The following LRRC7 variants were observed in gnomAD, a reference collection of about 807,000 sequenced individuals.
LRRC7 encodes the protein leucine-rich repeat-containing protein 7.
Under a neutral mutation model 175.7 loss-of-function variants are expected in LRRC7, and 23 were observed. The ratio of observed to expected loss-of-function variants is 0.13; its 90% CI spans 0.09 to 0.19. LRRC7 has a LOEUF of 0.19. Among genes scored for constraint, LRRC7 ranks in the 10% least tolerant of loss-of-function variants. The pLI, the probability that LRRC7 is intolerant of heterozygous loss-of-function variation, is 1.00. For synonymous variants in LRRC7, 685 were observed against 680.9 expected, an observed-to-expected ratio of 1.01 and a Z score of -0.09; for missense variants, 1,354 against 1,904.7, an observed-to-expected ratio of 0.71 and a Z score of 5.38.
chr1:69,952,575 T>C (rs1463639450), intron 8 of LRRC7, among the ~76,000 whole-genome samples: 1 of 152,100 alleles, frequency 6.6e-6, no homozygotes, highest in South Asian at 2.1e-4. Flanking sequence ...TTTTTTCCAT[T>C]CCAAGTACAC....
At chr1:69,664,458 C>T (rs184436479) in intron 1 of LRRC7, among the ~76,000 whole-genome samples, 7 of 152,278 alleles carry the variant, frequency 4.6e-5, no homozygotes, top group Admixed American at 1.3e-4. Flanking sequence ...CTCCACATCT[C>T]GCCAGCATTT....
chr1:69,952,557 AATT>A (rs1217495586), intron 8 of LRRC7, among the ~76,000 whole-genome samples: 1 of 152,104 alleles, frequency 6.6e-6, no homozygotes, highest in African/African-American at 2.4e-5. Context: ...TTTGCAGGGT[AATT>A]ATTATTTTTT....
chr1:69,621,148 G>T (rs914183142), intron 1 of LRRC7, among the ~76,000 whole-genome samples: 1 of 151,630 alleles, frequency 6.6e-6, no homozygotes, highest in Non-Finnish European at 1.5e-5. Context: ...GGGTTCAAGC[G>T]ATTCTCTGGT....
intron 2 of LRRC7, among the ~76,000 whole-genome samples, chr1:69,697,806 T>G (rs1291994022): frequency 6.6e-6 from 1 of 152,196 alleles, no homozygotes. Flanking sequence ...TCATTAGTGA[T>G]AAAACTGATA....
At chr1:70,089,931 A>G in intron 25 of LRRC7, 112 bp downstream of exon 25, 1 of 721,872 alleles carries the variant, frequency 1.4e-6, no homozygotes, top group Admixed American at 3.1e-5. Context: ...TGAGCTAGTT[A>G]GTAACTCTGA....
intron 8 of LRRC7, among the ~76,000 whole-genome samples, chr1:69,949,179 C>T (rs1649660634): frequency 6.6e-6 from 1 of 152,000 alleles, no homozygotes; most frequent in South Asian, 2.1e-4. Context: ...TCACCAATCT[C>T]CCAGTCCCAC....
At chr1:70,101,666 A>AGG (rs1416175402) in intron 25 of LRRC7, among the ~76,000 whole-genome samples, 1 of 152,176 alleles carries the variant, frequency 6.6e-6, no homozygotes, top group Non-Finnish European at 1.5e-5. Context: ...CCTTTTTCCA[A>AGG]AATTACTGTG....
intron 2 of LRRC7, chr1:69,716,195 T>A: frequency 2.1e-6 from 1 of 483,924 alleles, no homozygotes; most frequent in Non-Finnish European, 3.8e-6. Context: ...CCTAGAAGTC[T>A]GCAGAGACAG....
chr1:70,023,477 A>T, intron 17 of LRRC7, 103 bp downstream of exon 17: 1 of 1,223,250 alleles, frequency 8.2e-7, no homozygotes, highest in Non-Finnish European at 1.1e-6. Flanking sequence ...AGAAATGTTG[A>T]TCACATAGAA....
chr1:69,716,388 T>C (rs1665349198), intron 2 of LRRC7, among the ~76,000 whole-genome samples: 1 of 151,864 alleles, frequency 6.6e-6, no homozygotes, highest in Admixed American at 6.6e-5. Flanking sequence ...ATGGTAACTA[T>C]GAATCTCAGG....
At chr1:69,661,937 C>G (rs1657532789) in intron 1 of LRRC7, among the ~76,000 whole-genome samples, 1 of 152,120 alleles carries the variant, frequency 6.6e-6, no homozygotes, top group South Asian at 2.1e-4. Context: ...CATCTAACAG[C>G]TACCATATAT....
chr1:70,044,090 A>C lies in LRRC7; in HGVS notation c.4106A>C (p.Gln1369Pro). The C allele has an allele frequency of 6.2e-7, 1 of 1,612,700 alleles. No homozygotes were observed. Among genetic ancestry groups the C allele is most frequent in the East Asian group, 2.2e-5 (1 of 44,798 alleles). Residue 1369 changes from glutamine (Q) to proline (P), a missense_variant, in exon 22 of 27, where the codon CAG (glutamine) becomes CCG (proline). Physicochemically the swap from Gln to Pro is moderately conservative, Grantham distance 76. Coordinates refer to ENST00000651989, the MANE Select transcript of LRRC7 (RefSeq NM_001370785.2). ...SKFDHQELPL[Q>P]KTPSQQSNIL... Reference sequence around the variant, plus strand: ...TTTGATCATCAAGAACTACCTCTTCAGAAAGTAAGTATGGACTGCCCTACA... The same window carrying C: ...TTTGATCATCAAGAACTACCTCTTCCGAAAGTAAGTATGGACTGCCCTACA...
chr1:69,722,408 A>T (rs1666460899), intron 2 of LRRC7, among the ~76,000 whole-genome samples: 1 of 152,078 alleles, frequency 6.6e-6, no homozygotes, highest in Admixed American at 6.6e-5. Context: ...TAGAAGAAAT[A>T]AAATTGCTAT....
At chr1:70,004,741 C>T (rs954546357) in intron 11 of LRRC7, among the ~76,000 whole-genome samples, 2 of 151,680 alleles carry the variant, frequency 1.3e-5, no homozygotes, top group African/African-American at 2.4e-5. Context: ...CTCTCTCTCC[C>T]TCTCTTTCTC....
chr1:69,702,688 A>C (rs548669209), intron 2 of LRRC7, among the ~76,000 whole-genome samples: 1 of 152,260 alleles, frequency 6.6e-6, no homozygotes, highest in East Asian at 1.9e-4. Context: ...ATCAAGAATA[A>C]GTGTGGTAGA....
intron 1 of LRRC7, among the ~76,000 whole-genome samples, chr1:69,586,110 C>G (rs1418612997): frequency 6.6e-6 from 1 of 152,124 alleles, no homozygotes; most frequent in Admixed American, 6.5e-5. Flanking sequence ...TTTACTACCT[C>G]CAGATGTTAG....
At chr1:69,694,524 T>A (rs1662310781) in intron 2 of LRRC7, among the ~76,000 whole-genome samples, 2 of 152,226 alleles carry the variant, frequency 1.3e-5, no homozygotes, top group Non-Finnish European at 2.9e-5. Context: ...TCAGTCACAA[T>A]TTTTTGACCT....
chr1:69,942,440 A>G (rs1479084683), intron 8 of LRRC7, among the ~76,000 whole-genome samples: 1 of 152,140 alleles, frequency 6.6e-6, no homozygotes, highest in Non-Finnish European at 1.5e-5. Flanking sequence ...ATGGTAACAA[A>G]TTACCACAAA....
intron 2 of LRRC7, among the ~76,000 whole-genome samples, chr1:69,731,092 G>A (rs1667526957): frequency 6.6e-6 from 1 of 152,132 alleles, no homozygotes; most frequent in South Asian, 2.1e-4. Flanking sequence ...ATGAAGTCAG[G>A]AGATAGAGAC....
Sources: allele counts gnomAD v4.1 joint callset (sites outside exome capture counted in the v4.1 genomes callset), GRCh38; gene constraint gnomAD v4.1.1; transcripts MANE v1.5; gene names NCBI Gene and HGNC (gene_info 2026-07-23, HGNC 2026-07-21).